Variants in RASGRP3 observed in about 807,000 individuals in gnomAD.
RASGRP3 encodes the protein RAS guanyl releasing protein 3, also known as ras guanyl-releasing protein 3.
A neutral mutation model predicts 82.7 loss-of-function variants in RASGRP3; 54 were observed. The ratio of observed to expected loss-of-function variants is 0.65; its 90% CI spans 0.52 to 0.82. RASGRP3 has a LOEUF of 0.82. Among genes scored for constraint, RASGRP3 ranks in the 40% least tolerant of loss-of-function variants. RASGRP3 has a pLI of 0.00. For missense variants in RASGRP3, 861 were observed against 828.9 expected, an observed-to-expected ratio of 1.04 and a Z score of -0.48; for synonymous variants, 309 against 300.5, an observed-to-expected ratio of 1.03 and a Z score of -0.29.
chr2:33,475,498 T>C (rs560345648), upstream of RASGRP3, among the ~76,000 whole-genome samples: 19 of 152,376 alleles, frequency 1.2e-4, no homozygotes, highest in South Asian at 3.9e-3. Context: ...AGGCACATTA[T>C]GGTTCAGAAA....
intron 2 of RASGRP3, among the ~76,000 whole-genome samples, chr2:33,457,421 T>C (rs1339766564): frequency 1.3e-5 from 2 of 152,242 alleles, no homozygotes; most frequent in Admixed American, 1.3e-4. Context: ...GCTAAATGCA[T>C]AGTGTTTTTT....
intron 10 of RASGRP3, 135 bp from the exon 11 acceptor site, chr2:33,534,188 G>A (rs1490441708): frequency 5.2e-5 from 33 of 629,220 alleles, no homozygotes; most frequent in Admixed American, 3.9e-4. Context: ...TCTGCGTGCC[G>A]TCTTTTTATT....
chr2:33,457,329 A>C (rs2150892712), intron 2 of RASGRP3, among the ~76,000 whole-genome samples: 1 of 152,044 alleles, frequency 6.6e-6, no homozygotes, highest in Non-Finnish European at 1.5e-5. Flanking sequence ...TTTTCTTCAA[A>C]GTGGATATAT....
At chr2:33,560,079 A>G (rs113001499) in intron 17 of RASGRP3, among the ~76,000 whole-genome samples, 1,530 of 152,352 alleles carry the variant, frequency 0.01, 25 homozygotes, top group African/African-American at 0.035. Flanking sequence ...TTCATATGCC[A>G]TGAAACTGAC....
intron 1 of RASGRP3, among the ~76,000 whole-genome samples, chr2:33,483,433 A>T (rs1378349837): frequency 6.6e-6 from 1 of 152,000 alleles, no homozygotes; most frequent in East Asian, 1.9e-4. Context: ...TAGGGAAAAA[A>T]TATGGAAAAA....
At chr2:33,531,273 C>T (rs1054011010) in intron 10 of RASGRP3, among the ~76,000 whole-genome samples, 3 of 152,158 alleles carry the variant, frequency 2.0e-5, no homozygotes, top group Admixed American at 6.5e-5. Context: ...AACAGCCAGG[C>T]TCAAAATATG....
chr2:33,511,230 C>G (rs1670894196), intron 1 of RASGRP3, among the ~76,000 whole-genome samples: 1 of 152,136 alleles, frequency 6.6e-6, no homozygotes, highest in Non-Finnish European at 1.5e-5. Flanking sequence ...AAGTCCTAAA[C>G]AAACAGCAAG....
In RASGRP3 at chr2:33,564,104, TC is replaced by T. The variant is rs1381923669; in HGVS notation, c.*1368del. 2 of 152,228 alleles carry T rather than the reference TC, an allele frequency of 1.3e-5. No homozygotes were observed. The highest frequency in any genetic ancestry group is 4.8e-5 in the African/African-American group (2 of 41,462). 9.4% of individuals were successfully genotyped at this position (152,228 alleles called of 1,614,324 possible). ...TCAGTAAAGCCTTTCTCCTTTCTTT[TC>T]TCCATTGAGGACAGTTCTGCTCAGC... On this transcript the variant is annotated 3_prime_UTR_variant, in exon 18 of 18. Transcript: ENST00000403687.
At chr2:33,499,625 C>G (rs1669666895) in intron 1 of RASGRP3, among the ~76,000 whole-genome samples, 1 of 152,120 alleles carries the variant, frequency 6.6e-6, no homozygotes, top group East Asian at 1.9e-4. Context: ...GTAGCAAAAT[C>G]TCGGCATTTA....
chr2:33,495,020 C>G (rs1463950816), intron 1 of RASGRP3, among the ~76,000 whole-genome samples: 1 of 152,192 alleles, frequency 6.6e-6, no homozygotes. Flanking sequence ...AAACATGTGT[C>G]AGAAGGCTTA....
chr2:33,472,901 G>A (rs1272642121), upstream of RASGRP3, among the ~76,000 whole-genome samples: 2 of 146,150 alleles, frequency 1.4e-5, no homozygotes, highest in Admixed American at 6.9e-5. Context: ...AAAAAGTGTC[G>A]GTTGCCTTTG....
chr2:33,553,636 GC>G (rs1328760054), intron 14 of RASGRP3, among the ~76,000 whole-genome samples: 1 of 151,994 alleles, frequency 6.6e-6, no homozygotes, highest in Non-Finnish European at 1.5e-5. Flanking sequence ...TCTGGATCAT[GC>G]CCCTCTCTCT....
chr2:33,495,349 A>G (rs925664785), intron 1 of RASGRP3, among the ~76,000 whole-genome samples: 4 of 152,208 alleles, frequency 2.6e-5, no homozygotes, highest in African/African-American at 9.6e-5. Context: ...TAAGGAGCAT[A>G]TAACTTAGAT....
chr2:33,513,012 C>T (rs1232095701), intron 2 of RASGRP3, among the ~76,000 whole-genome samples: 4 of 152,028 alleles, frequency 2.6e-5, no homozygotes, highest in Non-Finnish European at 5.9e-5. Flanking sequence ...CTGAGAGGTG[C>T]GTTGTTTTAA....
chr2:33,543,632 G>C lies in RASGRP3; in HGVS notation c.1394+5G>C, dbSNP rs748583064. ...CTGTGTTCTGGACAAAGATCAGTAA[G>C]TTTTAATTTTGTTTTATTTTAATGC... On this transcript the variant is annotated splice_donor_5th_base_variant and intron_variant, in intron 13 of 17. Coordinates refer to ENST00000403687, the MANE Select transcript of RASGRP3 (RefSeq NM_001139488.2). 3 of 1,556,324 alleles carry C rather than the reference G, an allele frequency of 1.9e-6. No individual in the cohort carries two copies. The highest frequency in any genetic ancestry group is 2.6e-6 in the Non-Finnish European group (3 of 1,134,316).
intron 10 of RASGRP3, among the ~76,000 whole-genome samples, chr2:33,529,884 C>T (rs1340735465): frequency 6.6e-6 from 1 of 152,140 alleles, no homozygotes; most frequent in Non-Finnish European, 1.5e-5. Context: ...TTCTGTAGTA[C>T]CAGCCCAATA....
chr2:33,459,227 C>T (rs537474124), intron 2 of RASGRP3, among the ~76,000 whole-genome samples: 496 of 152,118 alleles, frequency 3.3e-3, no homozygotes, highest in Non-Finnish European at 5.4e-3. Context: ...CTCTGCCTCC[C>T]GGGTTCAAGC....
At chr2:33,519,530 C>T (rs985722178) in intron 4 of RASGRP3, among the ~76,000 whole-genome samples, 5 of 152,054 alleles carry the variant, frequency 3.3e-5, no homozygotes, top group Non-Finnish European at 5.9e-5. Flanking sequence ...TGGTGTGAAC[C>T]CGGGAGGCAG....
At chr2:33,465,714 A>G (rs1252189759) in intron 2 of RASGRP3, among the ~76,000 whole-genome samples, 2 of 152,226 alleles carry the variant, frequency 1.3e-5, no homozygotes, top group African/African-American at 2.4e-5. Context: ...GGACTTTCAT[A>G]GCTAGAAAGA....
Sources: allele counts gnomAD v4.1 joint callset (sites outside exome capture counted in the v4.1 genomes callset), GRCh38; gene constraint gnomAD v4.1.1; transcripts MANE v1.5; gene names NCBI Gene and HGNC (gene_info 2026-07-23, HGNC 2026-07-21).